Variants in KIF13A observed in about 807,000 individuals in gnomAD.
KIF13A encodes kinesin-like protein KIF13A.
In KIF13A, 79 loss-of-function variants were observed where a neutral mutation model predicts 212.2. The observed-to-expected ratio is 0.37, with a 90% CI of 0.31 to 0.45. The LOEUF (loss-of-function observed/expected upper bound fraction) is 0.45. Ranked by LOEUF, KIF13A falls within the 20% of genes least tolerant of loss-of-function variation. KIF13A has a pLI of 1.00. For missense variants in KIF13A, 1,901 were observed against 2,209.0 expected, an observed-to-expected ratio of 0.86 and a Z score of 2.79; for synonymous variants, 789 against 808.6, an observed-to-expected ratio of 0.98 and a Z score of 0.41.
chr6:17,903,887 C>A (rs1372041468), intron 2 of KIF13A, among the ~76,000 whole-genome samples: 1 of 152,008 alleles, frequency 6.6e-6, no homozygotes, highest in Non-Finnish European at 1.5e-5. Flanking sequence ...TGCCTGTAAC[C>A]CCAGTAATTT....
At chr6:17,819,665 T>C (rs1764264480) in intron 16 of KIF13A, among the ~76,000 whole-genome samples, 1 of 152,130 alleles carries the variant, frequency 6.6e-6, no homozygotes, top group Admixed American at 6.5e-5. Context: ...AAATATTATC[T>C]ATATAATAAC....
At chr6:17,958,876 C>T (rs369448411) in intron 2 of KIF13A, among the ~76,000 whole-genome samples, 13 of 83,058 alleles carry the variant, frequency 1.6e-4, no homozygotes, top group Non-Finnish European at 2.0e-4. Context: ...TTTTCTTTTT[C>T]TTTTTTTTTT....
intron 33 of KIF13A, among the ~76,000 whole-genome samples, chr6:17,778,225 A>C (rs189114389): frequency 6.6e-6 from 1 of 152,390 alleles, no homozygotes; most frequent in African/African-American, 2.4e-5. Context: ...ACAGGTGGAC[A>C]GAGAAAATGT....
At position 17,849,684 on chromosome 6, in the gene KIF13A, T is replaced by G. The variant is rs988230699; in HGVS notation, c.718-195A>C. On this transcript the variant is annotated intron_variant, in intron 8 of 38. Transcript: ENST00000259711. The surrounding 1 kb of genome is among the most constrained non-coding windows in gnomAD (Gnocchi z 5.7). ...GTTAACATTTAAATAGGCGTAGAAATGTAGCATTTTGTTTTGCAGCTGGGT... is the reference window on the plus strand; with the variant it reads ...GTTAACATTTAAATAGGCGTAGAAAGGTAGCATTTTGTTTTGCAGCTGGGT... Among the ~76,000 whole-genome samples, 4 of 152,232 alleles carry G rather than the reference T, an allele frequency of 2.6e-5. No homozygotes were observed. The highest frequency in any genetic ancestry group is 9.6e-5 in the African/African-American group (4 of 41,470).
intron 3 of KIF13A, among the ~76,000 whole-genome samples, chr6:17,881,127 A>G (rs1771021591): frequency 6.6e-6 from 1 of 152,170 alleles, no homozygotes; most frequent in Non-Finnish European, 1.5e-5. Flanking sequence ...ATTTGACTCC[A>G]CCTTCTCAGA....
chr6:17,908,473 G>A (rs1462769650), intron 2 of KIF13A, among the ~76,000 whole-genome samples: 1 of 151,994 alleles, frequency 6.6e-6, no homozygotes, highest in East Asian at 1.9e-4. Flanking sequence ...GTGTGATGGT[G>A]CGTGCCTATA....
Position 17,781,272 on chromosome 6 carries a change from C to A in KIF13A, c.3574G>T (p.Val1192Phe). Residue 1192 changes from valine (V) to phenylalanine (F), a missense_variant, in exon 30 of 39, where the codon GTT becomes TTT. Physicochemically the swap from Val to Phe is conservative, Grantham distance 50. Coordinates refer to ENST00000259711, the MANE Select transcript of KIF13A (RefSeq NM_022113.6). ...ADDLSANEQLVGPHASGVNSI... is the reference protein window; with the variant it reads ...ADDLSANEQLFGPHASGVNSI... Reference sequence around the variant, plus strand: ...TTCACGCCGGATGCATGGGGGCCAACAAGCTGCTCATTGGCACTGAGGTCA... The same window carrying A: ...TTCACGCCGGATGCATGGGGGCCAAAAAGCTGCTCATTGGCACTGAGGTCA... The A allele has an allele frequency of 1.9e-6, 3 of 1,612,644 alleles. No homozygotes were observed. Among genetic ancestry groups the A allele is most frequent in the Non-Finnish European group, 2.5e-6 (3 of 1,179,358 alleles).
rs1766046221 is a variant in KIF13A, at chr6:17,837,202, G to A, written c.943-112C>T. The A allele has an allele frequency of 1.0e-6, 1 of 956,938 alleles. No individual in the cohort carries two copies. The highest frequency in any genetic ancestry group is 1.5e-5 in the South Asian group (1 of 64,522). The allele number at this position is 956,938 out of a possible 1,614,324, so 59.3% of individuals were successfully genotyped here. A position where few individuals can be genotyped will look rare whatever the true frequency, so the allele number is the denominator to read the frequency against. On this transcript the variant is annotated intron_variant, in intron 10 of 38. Transcript: ENST00000259711. The surrounding 1 kb of genome is among the most constrained non-coding windows in gnomAD (Gnocchi z 5.4). ...TTATTCTCTATGAAGGAAACATTATGTGGAAATGGACTTGCATTTCACAAA... is the reference window on the plus strand; with the variant it reads ...TTATTCTCTATGAAGGAAACATTATATGGAAATGGACTTGCATTTCACAAA...
rs980128022 is a variant in KIF13A, at chr6:17,888,155, A to G, written c.159+10013T>C. The stretch of plus-strand genomic sequence containing the variant: ...TGAAGTAGTGAATGATGATGTTACC[A>G]TAATCTATTTTCCACTACTTAGATT... On this transcript the variant is annotated intron_variant, in intron 3 of 38. Coordinates refer to ENST00000259711, the MANE Select transcript of KIF13A (RefSeq NM_022113.6). The surrounding 1 kb of genome is among the most constrained non-coding windows in gnomAD (Gnocchi z 4.8). 9.2e-5 allele frequency among the ~76,000 whole-genome samples: 14 copies of G among 152,166 alleles called. No homozygotes were observed. Among genetic ancestry groups the G allele is most frequent in the African/African-American group, 3.4e-4 (14 of 41,438 alleles).
At chr6:17,841,794 C>T (rs1191852798) in intron 9 of KIF13A, among the ~76,000 whole-genome samples, 1 of 152,108 alleles carries the variant, frequency 6.6e-6, no homozygotes, top group Non-Finnish European at 1.5e-5. Flanking sequence ...ACAATCAGGT[C>T]ACCCAGGGAT....
chr6:17,803,985 C>T (rs1395793618), intron 20 of KIF13A, among the ~76,000 whole-genome samples: 3 of 152,092 alleles, frequency 2.0e-5, no homozygotes, highest in African/African-American at 7.2e-5. Flanking sequence ...ACCCCGTCTC[C>T]ACTAAAAATA....
intron 12 of KIF13A, among the ~76,000 whole-genome samples, chr6:17,832,443 C>A (rs192784882): frequency 1.3e-3 from 201 of 151,992 alleles, no homozygotes; most frequent in Non-Finnish European, 2.1e-3. Flanking sequence ...TTGAGACCAG[C>A]CTGGCCAACA....
chr6:17,880,157 T>C (rs1770925446), intron 3 of KIF13A, among the ~76,000 whole-genome samples: 2 of 152,044 alleles, frequency 1.3e-5, no homozygotes, highest in African/African-American at 4.8e-5. Context: ...GCTCGCTGTG[T>C]TGCCCAAGCT....
Position 17,799,343 on chromosome 6 carries a change from C to T in KIF13A, c.2713G>A (p.Ala905Thr), listed in dbSNP as rs1449412775. Residue 905 changes from alanine to threonine, a missense_variant, in exon 22 of 39, where the codon GCC becomes ACC. Transcript: ENST00000259711. This position sits in a 1 kb window ranked among gnomAD's most constrained non-coding sequence, Gnocchi z 4.4. ...GGCACCTCGGGGTCCACCACCGGGG[C>T]AGCCACCGTAGACTCACACTGGTCC... Reference protein sequence around the residue: ...FWDQCESTVAAPVVDPEVPSP... With the variant: ...FWDQCESTVATPVVDPEVPSP... 1 of 1,613,082 alleles carries T rather than the reference C, an allele frequency of 6.2e-7. No individual in the cohort carries two copies. Among genetic ancestry groups the T allele is most frequent in the South Asian group, 1.1e-5 (1 of 90,822 alleles).
rs1447629754 is a variant in KIF13A, at chr6:17,772,433, C to A, written c.4325-374G>T. On this transcript the variant is annotated intron_variant, in intron 36 of 38. Coordinates refer to ENST00000259711, the MANE Select transcript of KIF13A (RefSeq NM_022113.6). This position sits in a 1 kb window ranked among gnomAD's most constrained non-coding sequence, Gnocchi z 4.8. The stretch of plus-strand genomic sequence containing the variant: ...CTGTCTAAAAACAAAACAAAAAAAC[C>A]CCACAAACAACAAACAACAAACAAA... Among the ~76,000 whole-genome samples, 1 of 151,932 alleles carries A rather than the reference C, an allele frequency of 6.6e-6. No homozygotes were observed. The highest frequency in any genetic ancestry group is 1.5e-5 in the Non-Finnish European group (1 of 67,956).
At chr6:17,925,895 A>C (rs1775455178) in intron 2 of KIF13A, among the ~76,000 whole-genome samples, 1 of 152,154 alleles carries the variant, frequency 6.6e-6, no homozygotes, top group Non-Finnish European at 1.5e-5. Context: ...TGGCTAGGAG[A>C]GCAGCAAATC....
Position 17,764,327 on chromosome 6 carries a change from G to T in KIF13A, c.5201C>A (p.Ser1734Tyr), listed in dbSNP as rs750676792. The change falls in exon 39 of 39, where the codon TCT (serine) becomes TAT (tyrosine). Residue 1734 changes from serine to tyrosine, a missense_variant. Physicochemically the swap from Ser to Tyr is moderately radical, Grantham distance 144. This residue lies in a region of KIF13A where 687 missense variants were observed against 759.1 expected (regional missense o/e 0.90). Coordinates refer to ENST00000259711, the MANE Select transcript of KIF13A (RefSeq NM_022113.6). This position sits in a 1 kb window ranked among gnomAD's most constrained non-coding sequence, Gnocchi z 5.1. Reference sequence around the variant, plus strand: ...TGACACTCCCATAAATTCTGTGAAAGAATGGTCTTCAAGGATGTTGGTGGT... The same window carrying T: ...TGACACTCCCATAAATTCTGTGAAATAATGGTCTTCAAGGATGTTGGTGGT... ...EHTTNILEDHSFTEFMGVSEG... is the reference protein window; with the variant it reads ...EHTTNILEDHYFTEFMGVSEG... The T allele has an allele frequency of 4.3e-6, 7 of 1,613,982 alleles. No homozygotes were observed. The South Asian group carries it at 5.5e-5, about 13-fold the overall frequency.
chr6:17,920,170 C>T (rs1422953253), intron 2 of KIF13A, among the ~76,000 whole-genome samples: 1 of 152,118 alleles, frequency 6.6e-6, no homozygotes, highest in African/African-American at 2.4e-5. Flanking sequence ...AAAACATACT[C>T]CAATGAGGCA....
rs961591438 is a variant in KIF13A at position 17,926,334 on chromosome 6, G to A, written c.147-28154C>T. Among the ~76,000 whole-genome samples the A allele has an allele frequency of 6.6e-6, 1 of 152,178 alleles. No homozygotes were observed. Among genetic ancestry groups the A allele is most frequent in the African/African-American group, 2.4e-5 (1 of 41,434 alleles). ...GCAACCTTCTGTCTCCTGGGTTCAAGTGATTCTCGTGCCTCAGTCTCCCGA... is the reference window on the plus strand; with the variant it reads ...GCAACCTTCTGTCTCCTGGGTTCAAATGATTCTCGTGCCTCAGTCTCCCGA... On this transcript the variant is annotated intron_variant, in intron 2 of 38. Coordinates refer to ENST00000259711, the MANE Select transcript of KIF13A (RefSeq NM_022113.6). This position sits in a 1 kb window ranked among gnomAD's most constrained non-coding sequence, Gnocchi z 4.3.
Sources: gnomAD v4.1 joint callset for allele counts (sites outside exome capture counted in the v4.1 genomes callset) on GRCh38, gnomAD v4.1.1 for gene constraint, gnomAD v4.1.1 regional missense constraint, Gnocchi (gnomAD v3.1) non-coding constraint, MANE v1.5 for transcripts, NCBI Gene and HGNC (gene_info 2026-07-23, HGNC 2026-07-21) for gene names.